Variants in IARS2 observed in about 807,000 individuals in gnomAD.
IARS2 encodes the protein isoleucine--tRNA ligase, mitochondrial.
In IARS2, 56 loss-of-function variants were observed where a neutral mutation model predicts 126.3. The observed-to-expected ratio is 0.44, with a 90% CI of 0.36 to 0.55. The LOEUF (loss-of-function observed/expected upper bound fraction) is 0.55. IARS2 is among the 20% of genes least tolerant of loss of function. The pLI, the probability that IARS2 is intolerant of heterozygous loss-of-function variation, is 0.00. For synonymous variants in IARS2, 407 were observed against 441.1 expected (o/e 0.92, Z 0.97); for missense variants, 1,127 against 1,245.9 (o/e 0.90, Z 1.44).
rs1222888166 is a variant in IARS2 at position 220,143,079 on chromosome 1, C to T, written c.2696C>T (p.Ala899Val). ...FLGSIPGKNA[A>V]EYKVITVIEP... Reference sequence around the variant, plus strand: ...GGAAGCATCCCTGGCAAAAATGCAGCTGAGTACAAGGTTATCACTGTGATA... The same window carrying T: ...GGAAGCATCCCTGGCAAAAATGCAGTTGAGTACAAGGTTATCACTGTGATA... Residue 899 changes from alanine to valine, a missense_variant, in exon 21 of 23, where the codon GCT becomes GTT. Ala to Val is a moderately conservative substitution (Grantham distance 64). Transcript: ENST00000366922. 2 of 1,614,116 alleles carry T rather than the reference C, an allele frequency of 1.2e-6. No individual in the cohort carries two copies. The highest frequency in any genetic ancestry group is 1.7e-6 in the Non-Finnish European group (2 of 1,179,980).
At chr1:220,141,392 A>C (rs893595730) in intron 19 of IARS2, among the ~76,000 whole-genome samples, 5 of 152,222 alleles carry the variant, frequency 3.3e-5, no homozygotes, top group African/African-American at 1.2e-4. Flanking sequence ...CATGGTAATG[A>C]GTCCAGTCTG....
intron 13 of IARS2, 38 bp downstream of exon 13, chr1:220,125,377 TTACA>T: frequency 8.1e-7 from 1 of 1,230,948 alleles, no homozygotes. Context: ...TTTGTATGTA[TTACA>T]GGACTTAATG....
At chr1:220,142,201 T>C (rs533779404) in intron 20 of IARS2, among the ~76,000 whole-genome samples, 67 of 152,306 alleles carry the variant, frequency 4.4e-4, no homozygotes, top group Admixed American at 3.6e-3. Context: ...TAAATACCTT[T>C]ATAACTGTTC....
Position 220,094,499 on chromosome 1 carries a change from C to CG in IARS2, c.267+18dup, listed in dbSNP as rs1361426004. On this transcript the variant is annotated intron_variant, in intron 1 of 22. Coordinates refer to ENST00000366922, the MANE Select transcript of IARS2 (RefSeq NM_018060.4). ...GATCCAGCAGGTACGGGCCCCGCCT[C>CG]GGCGCGGGGCCTCCAGAGAGGCCCG... is the stretch of plus-strand genomic sequence containing the variant. 1 of 1,568,560 alleles carries CG rather than the reference C, an allele frequency of 6.4e-7. No homozygotes were observed. Among genetic ancestry groups the CG allele is most frequent in the African/African-American group, 1.4e-5 (1 of 72,804 alleles).
chr1:220,145,220 C>G (rs1412416548), intron 21 of IARS2, among the ~76,000 whole-genome samples: 1 of 152,076 alleles, frequency 6.6e-6, no homozygotes, highest in Non-Finnish European at 1.5e-5. Flanking sequence ...TAATAAACAC[C>G]ATATAGGTTT....
At chr1:220,111,598 A>ATATATGTGTGCG (rs374024744) in intron 11 of IARS2, among the ~76,000 whole-genome samples, 2 of 134,838 alleles carry the variant, frequency 1.5e-5, no homozygotes, top group Non-Finnish European at 3.2e-5. Context: ...ATATATATAT[A>ATATATGTGTGCG]TGTGTGTGTG....
Position 220,138,013 on chromosome 1 carries a change from G to A in IARS2, c.2145G>A (p.Val715=). The change falls in exon 17 of 23, where the codon GTG becomes GTA. Residue 715 remains valine, a synonymous_variant. Transcript: ENST00000366922. ...VFTEVAIGPS[V]LNAARDDISK... is the part of the protein sequence containing the mutation. ...CCGAAGTTGCAATTGGCCCATCCGT[G>A]CTCAATGCTGCCAGAGATGATATTA... 1.2e-6 allele frequency: 2 copies of A among 1,614,094 alleles called. No homozygotes were observed. The highest frequency in any genetic ancestry group is 8.5e-7 in the Non-Finnish European group (1 of 1,180,020).
intron 20 of IARS2, among the ~76,000 whole-genome samples, 188 bp downstream of exon 20, chr1:220,142,136 G>C (rs922384388): frequency 6.6e-6 from 1 of 152,146 alleles, no homozygotes; most frequent in Non-Finnish European, 1.5e-5. Context: ...TCAGAATTCT[G>C]TGCTTTCTGA....
In IARS2 at chr1:220,096,096, T is replaced by A. The variant is rs201594568; in HGVS notation, c.268-8T>A. On this transcript the variant is annotated splice_region_variant and splice_polypyrimidine_tract_variant and intron_variant, in intron 1 of 22. Transcript: ENST00000366922. ...GATGTTTAGATATCTTTTTTTTTTT[T>A]AAAACAGAAATGTGGATTTTCAGAA... 301 of 1,334,420 alleles carry A rather than the reference T, an allele frequency of 2.3e-4. No homozygotes were observed. Among genetic ancestry groups the A allele is most frequent in the African/African-American group, 6.0e-4 (41 of 68,112 alleles). The allele number at this position is 1,334,420 out of a possible 1,614,324, so 82.7% of individuals were successfully genotyped here.
At chr1:220,106,129 A>G (rs1272412448) in intron 9 of IARS2, 69 bp downstream of exon 9, 13 of 1,316,974 alleles carry the variant, frequency 9.9e-6, no homozygotes, top group Non-Finnish European at 1.2e-5. Context: ...TCTAACCAAC[A>G]TCTTCATTTT....
At chr1:220,144,097 T>C in intron 21 of IARS2, 1 of 997,862 alleles carries the variant, frequency 1.0e-6, no homozygotes, top group East Asian at 2.4e-5. Context: ...TTTTTCTAGA[T>C]CTTTGCTTTG....
chr1:220,101,805 C>A (rs1459296511), intron 3 of IARS2, among the ~76,000 whole-genome samples: 2 of 152,084 alleles, frequency 1.3e-5, no homozygotes, highest in Non-Finnish European at 2.9e-5. Flanking sequence ...TCCAGACCAT[C>A]CTGGCTGACA....
chr1:220,121,759 G>C (rs1657055866), intron 12 of IARS2, among the ~76,000 whole-genome samples: 1 of 152,094 alleles, frequency 6.6e-6, no homozygotes, highest in Non-Finnish European at 1.5e-5. Context: ...ATATGAAAAA[G>C]AGCTTAGTTT....
chr1:220,143,950 T>C, intron 21 of IARS2: 3 of 1,271,746 alleles, frequency 2.4e-6, no homozygotes, highest in Non-Finnish European at 3.4e-6. Context: ...AATATATGTA[T>C]TACATCCCTA....
At chr1:220,120,450 C>T (rs1461515130) in intron 12 of IARS2, among the ~76,000 whole-genome samples, 1 of 151,670 alleles carries the variant, frequency 6.6e-6, no homozygotes, top group African/African-American at 2.4e-5. Flanking sequence ...TCTCGGCTCA[C>T]TGCATCTTCT....
Position 220,137,898 on chromosome 1 carries a change from A to T in IARS2, c.2050-20A>T. ...GAATTGAAAGCCATTGTGTTTATAT[A>T]TTTTTTTCTCAATGAAAAGGATCAA... On this transcript the variant is annotated intron_variant, in intron 16 of 22. Transcript: ENST00000366922. 6.2e-7 allele frequency: 1 copy of T among 1,613,298 alleles called. No individual in the cohort carries two copies. The highest frequency in any genetic ancestry group is 1.3e-5 in the African/African-American group (1 of 74,988).
At chr1:220,146,895 C>T (rs1657606689) in intron 22 of IARS2, among the ~76,000 whole-genome samples, 1 of 152,162 alleles carries the variant, frequency 6.6e-6, no homozygotes, top group African/African-American at 2.4e-5. Context: ...TGGTCTTGAA[C>T]TCCTGACCTC....
At position 220,095,000 on chromosome 1, in the gene IARS2, T is replaced by A. The variant is rs1656408076; in HGVS notation, c.267+517T>A. Among the ~76,000 whole-genome samples, 6 of 151,316 alleles carry A rather than the reference T, an allele frequency of 4.0e-5. No individual in the cohort carries two copies. The South Asian group carries it at 1.3e-3, about 32-fold the overall frequency. ...AAAAAAACCTTAAAAACCTCAATTATGATGAATGAAGGGGAAGTTGAAGCC... is the reference window on the plus strand; with the variant it reads ...AAAAAAACCTTAAAAACCTCAATTAAGATGAATGAAGGGGAAGTTGAAGCC... On this transcript the variant is annotated intron_variant, in intron 1 of 22. Coordinates refer to ENST00000366922, the MANE Select transcript of IARS2 (RefSeq NM_018060.4).
intron 7 of IARS2, 76 bp from the exon 8 acceptor site, chr1:220,103,371 T>G (rs929095106): frequency 1.1e-6 from 1 of 932,926 alleles, no homozygotes; most frequent in African/African-American, 1.7e-5. Flanking sequence ...TCTAAAATGA[T>G]TATTTAAAAA....
Sources: allele counts gnomAD v4.1 joint callset (sites outside exome capture counted in the v4.1 genomes callset), GRCh38; gene constraint gnomAD v4.1.1; transcripts MANE v1.5; gene names NCBI Gene and HGNC (gene_info 2026-07-23, HGNC 2026-07-21).